Variants in ARHGAP26 observed in about 807,000 individuals in gnomAD.
ARHGAP26 encodes Rho GTPase activating protein 26, also known as rho GTPase-activating protein 26.
Under a neutral mutation model 104.8 loss-of-function variants are expected in ARHGAP26, and 38 were observed. That is an observed-to-expected ratio of 0.36 (90% CI 0.28 to 0.48). The LOEUF (loss-of-function observed/expected upper bound fraction) is 0.48, where lower values mean the gene tolerates loss of function less well. Ranked by LOEUF, ARHGAP26 falls within the 20% of genes least tolerant of loss-of-function variation. The probability of loss-of-function intolerance (pLI) is 0.99; values close to 1 mark genes in which losing one functional copy is unlikely to be tolerated. For synonymous variants in ARHGAP26, 341 were observed against 340.0 expected (o/e 1.00, Z -0.03); for missense variants, 704 against 947.9 (o/e 0.74, Z 3.38).
chr5:142,898,083 G>A (rs1017452166), intron 6 of ARHGAP26, among the ~76,000 whole-genome samples: 4 of 152,100 alleles, frequency 2.6e-5, no homozygotes, highest in Non-Finnish European at 5.9e-5. Flanking sequence ...AGAAACAGTT[G>A]TAGTATTCCC....
intron 11 of ARHGAP26, among the ~76,000 whole-genome samples, chr5:142,933,444 A>G (rs1453880968): frequency 6.6e-6 from 1 of 152,208 alleles, no homozygotes; most frequent in Non-Finnish European, 1.5e-5. Flanking sequence ...CTATATTAGT[A>G]GGGTACAGGC....
chr5:143,164,700 T>C (rs535972870), intron 20 of ARHGAP26, among the ~76,000 whole-genome samples: 6 of 152,226 alleles, frequency 3.9e-5, no homozygotes, highest in Non-Finnish European at 5.9e-5. Context: ...TAGCTCTGAA[T>C]TGGAGCATAG....
chr5:142,985,119 G>A (rs77316838), intron 11 of ARHGAP26, among the ~76,000 whole-genome samples: 5,140 of 152,032 alleles, frequency 0.034, 307 homozygotes, highest in African/African-American at 0.12. Flanking sequence ...TTGTGTTTGC[G>A]TCTTGGTTTT....
Position 143,147,260 on chromosome 5 carries a change from AGTT to A in ARHGAP26, c.1868_1870del (p.Ser623_Leu624delinsMet). On this transcript the variant is annotated inframe_deletion, in exon 20 of 23. Transcript: ENST00000645722. ...ACAAAGGAACAGCATCATCAACTCCAGTTTGGAATCTGTCTCATCAAATCCAAA... is the reference window on the plus strand; with the variant it reads ...ACAAAGGAACAGCATCATCAACTCCATGGAATCTGTCTCATCAAATCCAAA... 2 of 1,614,044 alleles carry A rather than the reference AGTT, an allele frequency of 1.2e-6. No individual in the cohort carries two copies. The highest frequency in any genetic ancestry group is 1.7e-6 in the Non-Finnish European group (2 of 1,179,970).
In ARHGAP26 at chr5:142,796,960, T is replaced by C. The variant is rs76171948; in HGVS notation, c.154+26045T>C. Among the ~76,000 whole-genome samples the C allele has an allele frequency of 5.7e-3, 869 of 152,296 alleles. 16 individuals are homozygous for C. The East Asian group carries it at 0.063, about 11-fold the overall frequency. Reference sequence around the variant, plus strand: ...TTTCCACTGGGAAGCTCACTAGCTATAGCGTGGTGTCAGAAACTGACTAGC... The same window carrying C: ...TTTCCACTGGGAAGCTCACTAGCTACAGCGTGGTGTCAGAAACTGACTAGC... On this transcript the variant is annotated intron_variant, in intron 1 of 22. Transcript: ENST00000645722.
At chr5:142,873,563 G>T in intron 2 of ARHGAP26, 68 bp downstream of exon 2, 1 of 1,122,396 alleles carries the variant, frequency 8.9e-7, no homozygotes. Context: ...TCCCAGCAGA[G>T]CCTTTTCCCT....
At chr5:142,771,496 A>G (rs965613496) in intron 1 of ARHGAP26, 187 of 1,045,088 alleles carry the variant, frequency 1.8e-4, no homozygotes, top group Non-Finnish European at 2.2e-4. Flanking sequence ...AGTAATCTCT[A>G]AATCTGGAAT....
At chr5:143,056,221 A>G (rs1785785133) in intron 16 of ARHGAP26, 135 bp downstream of exon 16, 1 of 651,768 alleles carries the variant, frequency 1.5e-6, no homozygotes, top group Admixed American at 2.7e-5. Flanking sequence ...CATACTCATG[A>G]GATTCTAACA....
Position 143,222,278 on chromosome 5 carries a change from CACACA to C in ARHGAP26, c.2192-79_2192-75del, listed in dbSNP as rs1379430203. 2.0e-5 allele frequency: 16 copies of C among 814,976 alleles called. No individual in the cohort carries two copies. The African/African-American group carries it at 2.8e-4, about 14-fold the overall frequency. 50.5% of individuals were successfully genotyped at this position (814,976 alleles called of 1,614,324 possible). On this transcript the variant is annotated intron_variant, in intron 22 of 22. Transcript: ENST00000645722. ...ACACACACACACACACACACACACA[CACACA>C]CCCCACACACACATCTGCCGCCTGC...
chr5:142,772,691 C>T, intron 1 of ARHGAP26: 1 of 526,312 alleles, frequency 1.9e-6, no homozygotes, highest in East Asian at 5.5e-5. Flanking sequence ...GCAGCAGGAC[C>T]AGAGCTTTTG....
chr5:143,057,422 G>T (rs951412082), intron 16 of ARHGAP26, among the ~76,000 whole-genome samples: 5 of 152,106 alleles, frequency 3.3e-5, no homozygotes, highest in Middle Eastern at 3.4e-3. Context: ...TTGATTTTTT[G>T]ATGACAATTT....
At chr5:142,861,690 T>C (rs540797744) in intron 1 of ARHGAP26, among the ~76,000 whole-genome samples, 6 of 152,350 alleles carry the variant, frequency 3.9e-5, no homozygotes, top group East Asian at 1.9e-4. Context: ...CTATGGTTTA[T>C]TGAGTGTTTG....
chr5:142,909,217 C>T (rs1389181160), intron 9 of ARHGAP26, among the ~76,000 whole-genome samples: 1 of 152,130 alleles, frequency 6.6e-6, no homozygotes, highest in Non-Finnish European at 1.5e-5. Context: ...AGTCTCTGGA[C>T]TGTATTCTGA....
intron 17 of ARHGAP26, among the ~76,000 whole-genome samples, chr5:143,089,964 T>C (rs1283269008): frequency 3.9e-5 from 6 of 152,152 alleles, no homozygotes; most frequent in Admixed American, 6.5e-5. Flanking sequence ...TTCGGCAGAG[T>C]GTCCAGTAAA....
chr5:143,081,658 C>G (rs1789828180), intron 17 of ARHGAP26, among the ~76,000 whole-genome samples: 1 of 152,100 alleles, frequency 6.6e-6, no homozygotes, highest in African/African-American at 2.4e-5. Context: ...TCAGTGTTGT[C>G]AAGATTGAGT....
At chr5:143,199,964 A>T (rs1168100817) in intron 20 of ARHGAP26, among the ~76,000 whole-genome samples, 1 of 152,130 alleles carries the variant, frequency 6.6e-6, no homozygotes, top group African/African-American at 2.4e-5. Flanking sequence ...CAGGTTGTGG[A>T]TATCTGTCTC....
chr5:143,136,624 G>C (rs550934365), intron 19 of ARHGAP26, among the ~76,000 whole-genome samples: 5 of 152,310 alleles, frequency 3.3e-5, no homozygotes, highest in Admixed American at 6.5e-5. Flanking sequence ...CACCCTGTGG[G>C]GGGGCAGTGG....
chr5:142,783,153 C>G (rs1757855075), intron 1 of ARHGAP26, among the ~76,000 whole-genome samples: 1 of 152,232 alleles, frequency 6.6e-6, no homozygotes, highest in Non-Finnish European at 1.5e-5. Context: ...GCTCTCCAGC[C>G]TCGTGGGCAC....
chr5:143,133,606 C>T (rs1797600168), intron 18 of ARHGAP26, among the ~76,000 whole-genome samples: 1 of 152,204 alleles, frequency 6.6e-6, no homozygotes, highest in South Asian at 2.1e-4. Flanking sequence ...TTCATTGGTT[C>T]TGGACAAAGG....
Sources: gnomAD v4.1 joint callset for allele counts (sites outside exome capture counted in the v4.1 genomes callset) on GRCh38, gnomAD v4.1.1 for gene constraint, MANE v1.5 for transcripts, NCBI Gene and HGNC (gene_info 2026-07-23, HGNC 2026-07-21) for gene names.